Variants in OPCML observed in about 807,000 individuals in gnomAD.
OPCML encodes the protein opioid-binding protein/cell adhesion molecule.
A neutral mutation model predicts 37.8 loss-of-function variants in OPCML; 13 were observed. That is an observed-to-expected ratio of 0.34 (90% CI 0.22 to 0.55). The LOEUF (loss-of-function observed/expected upper bound fraction) is 0.55, where lower values mean the gene tolerates loss of function less well. Among genes scored for constraint, OPCML ranks in the 20% least tolerant of loss-of-function variants. The pLI is 0.91. For synonymous variants in OPCML, 176 were observed against 168.8 expected (o/e 1.04, Z -0.33); for missense variants, 341 against 435.6 (o/e 0.78, Z 1.93).
intron 1 of OPCML, among the ~76,000 whole-genome samples, chr11:133,415,774 C>T (rs900930860): frequency 1.3e-5 from 2 of 152,176 alleles, no homozygotes; most frequent in African/African-American, 4.8e-5. Flanking sequence ...ATCACAGAGG[C>T]TTTCCTGAGT....
intron 7 of OPCML, among the ~76,000 whole-genome samples, chr11:132,429,977 A>T (rs1004322298): frequency 1.2e-4 from 18 of 152,066 alleles, no homozygotes; most frequent in African/African-American, 4.1e-4. Context: ...CCACCCGGTT[A>T]TATCACATAA....
chr11:133,193,267 G>C (rs1476183671), intron 1 of OPCML, among the ~76,000 whole-genome samples: 1 of 152,126 alleles, frequency 6.6e-6, no homozygotes, highest in Non-Finnish European at 1.5e-5. Flanking sequence ...TCCTAGGTGG[G>C]CTGGCTTCTT....
chr11:133,258,933 G>A (rs1395774739), intron 1 of OPCML, among the ~76,000 whole-genome samples: 1 of 152,180 alleles, frequency 6.6e-6, no homozygotes, highest in Non-Finnish European at 1.5e-5. Flanking sequence ...GGCCTGGCAG[G>A]CTTTGGATTT....
At chr11:132,948,918 A>G (rs12292999) in intron 1 of OPCML, among the ~76,000 whole-genome samples, 16,242 of 152,248 alleles carry the variant, frequency 0.11, 1,078 homozygotes, top group Admixed American at 0.19. Context: ...TTTGTAACAG[A>G]AAATGCAAAG....
intron 4 of OPCML, among the ~76,000 whole-genome samples, chr11:132,510,891 T>C (rs956290920): frequency 2.0e-5 from 3 of 152,174 alleles, no homozygotes; most frequent in African/African-American, 7.2e-5. Context: ...AAAAATAAAG[T>C]GTTTTTCCTC....
At chr11:132,895,102 G>A (rs957416017) in intron 2 of OPCML, among the ~76,000 whole-genome samples, 1 of 152,122 alleles carries the variant, frequency 6.6e-6, no homozygotes, top group African/African-American at 2.4e-5. Context: ...TATCTAATCT[G>A]GTTAAATCTA....
At chr11:132,855,155 A>G (rs1318273726) in intron 2 of OPCML, among the ~76,000 whole-genome samples, 1 of 152,220 alleles carries the variant, frequency 6.6e-6, no homozygotes, top group East Asian at 1.9e-4. Context: ...TATGGATAAC[A>G]TCACTATTAT....
intron 1 of OPCML, among the ~76,000 whole-genome samples, chr11:133,238,110 C>T (rs1940592316): frequency 1.3e-5 from 2 of 152,142 alleles, no homozygotes; most frequent in Non-Finnish European, 2.9e-5. Context: ...ATTTCTGAAT[C>T]AGTATCAATT....
At chr11:133,047,954 G>C (rs1485436375) in intron 1 of OPCML, among the ~76,000 whole-genome samples, 1 of 152,144 alleles carries the variant, frequency 6.6e-6, no homozygotes, top group Non-Finnish European at 1.5e-5. Flanking sequence ...GGCACTGCGA[G>C]AGGGTTTCTG....
At chr11:132,923,092 A>AAAT (rs1555208137) in intron 2 of OPCML, among the ~76,000 whole-genome samples, 17 of 148,654 alleles carry the variant, frequency 1.1e-4, no homozygotes, top group South Asian at 4.3e-4. Flanking sequence ...ATAAATAAAT[A>AAAT]AATAATAATA....
intron 3 of OPCML, among the ~76,000 whole-genome samples, chr11:132,611,849 A>G (rs1024786770): frequency 1.3e-5 from 2 of 152,082 alleles, no homozygotes; most frequent in South Asian, 4.2e-4. Flanking sequence ...CCAGGACTGA[A>G]GGGTTTCTCA....
intron 3 of OPCML, among the ~76,000 whole-genome samples, chr11:132,639,026 AC>A (rs745430078): frequency 2.9e-4 from 44 of 152,064 alleles, no homozygotes; most frequent in Non-Finnish European, 5.1e-4. Context: ...CTTTTGACTC[AC>A]CGTACTGCTT....
At chr11:133,018,494 C>G (rs1377509744) in intron 1 of OPCML, among the ~76,000 whole-genome samples, 2 of 152,172 alleles carry the variant, frequency 1.3e-5, no homozygotes, top group African/African-American at 4.8e-5. Context: ...AGCCTCCTCT[C>G]CAAAATGCAC....
At chr11:132,501,947 T>C (rs1294681335) in intron 4 of OPCML, among the ~76,000 whole-genome samples, 1 of 152,180 alleles carries the variant, frequency 6.6e-6, no homozygotes, top group African/African-American at 2.4e-5. Context: ...GTGCGAACTA[T>C]AAGGAAGAAA....
chr11:133,013,315 A>G (rs2099267254), intron 1 of OPCML, among the ~76,000 whole-genome samples: 1 of 152,272 alleles, frequency 6.6e-6, no homozygotes, highest in Non-Finnish European at 1.5e-5. Context: ...AAATGTTTAA[A>G]ATAATGCAAT....
At chr11:132,532,129 A>T (rs758780608) in intron 3 of OPCML, among the ~76,000 whole-genome samples, 2 of 152,144 alleles carry the variant, frequency 1.3e-5, no homozygotes, top group African/African-American at 2.4e-5. Flanking sequence ...AATTCCATGG[A>T]TGCTTAGCAT....
chr11:132,551,345 A>G (rs2096381256), intron 3 of OPCML, among the ~76,000 whole-genome samples: 2 of 152,352 alleles, frequency 1.3e-5, no homozygotes, highest in African/African-American at 2.4e-5. Context: ...GTCCTTGTTC[A>G]TGCCTGGGCA....
intron 2 of OPCML, among the ~76,000 whole-genome samples, chr11:132,783,925 T>G (rs1947115783): frequency 6.6e-6 from 1 of 152,188 alleles, no homozygotes; most frequent in Non-Finnish European, 1.5e-5. Context: ...TACTTTTAGG[T>G]GGATATTTTT....
intron 1 of OPCML, among the ~76,000 whole-genome samples, chr11:133,438,477 A>C (rs1946290668): frequency 6.6e-6 from 1 of 152,234 alleles, no homozygotes; most frequent in African/African-American, 2.4e-5. Flanking sequence ...TAAACTCTGA[A>C]AAATAAAATG....
Sources: allele counts gnomAD v4.1 joint callset (sites outside exome capture counted in the v4.1 genomes callset), GRCh38; gene constraint gnomAD v4.1.1; transcripts MANE v1.5; gene names NCBI Gene and HGNC (gene_info 2026-07-23, HGNC 2026-07-21).